The following GRM8 variants were observed in gnomAD, a reference collection of about 807,000 sequenced individuals.
The protein encoded by GRM8 is glutamate metabotropic receptor 8.
A neutral mutation model predicts 87.2 loss-of-function variants in GRM8; 47 were observed. The ratio of observed to expected loss-of-function variants is 0.54; its 90% CI spans 0.43 to 0.69. The LOEUF (loss-of-function observed/expected upper bound fraction) is 0.69. Among genes scored for constraint, GRM8 ranks in the 30% least tolerant of loss-of-function variants. GRM8 has a pLI of 0.00. For missense variants in GRM8, 1,019 were observed against 1,139.2 expected (o/e 0.89, Z 1.52); for synonymous variants, 396 against 404.5 (o/e 0.98, Z 0.25).
chr7:126,591,484 A>G lies in GRM8; in HGVS notation c.1494+17878T>C, dbSNP rs143406268. Among the ~76,000 whole-genome samples the G allele has an allele frequency of 2.4e-4, 37 of 152,262 alleles. No homozygotes were observed. In the East Asian group the frequency reaches 5.6e-3, roughly 23 times the overall value. Reference sequence around the variant, plus strand: ...AGAGAGGTCATCAAGACAGAAAGTCAACAAAGAAACAATGGATTTAAACTA... The same window carrying G: ...AGAGAGGTCATCAAGACAGAAAGTCGACAAAGAAACAATGGATTTAAACTA... On this transcript the variant is annotated intron_variant, in intron 8 of 10. Transcript: ENST00000339582.
intron 6 of GRM8, among the ~76,000 whole-genome samples, chr7:126,782,601 A>G (rs766250997): frequency 9.2e-5 from 14 of 152,222 alleles, no homozygotes; most frequent in Admixed American, 3.3e-4. Flanking sequence ...ACTATCAGTG[A>G]AAACCAACAA....
intron 3 of GRM8, among the ~76,000 whole-genome samples, chr7:127,096,335 G>GA (rs1563503470): frequency 3.3e-5 from 5 of 152,080 alleles, no homozygotes; most frequent in African/African-American, 1.2e-4. Flanking sequence ...CAAGGCAGAT[G>GA]AATCACTTGA....
At chr7:127,207,089 C>CT (rs951935803) in intron 2 of GRM8, among the ~76,000 whole-genome samples, 12 of 152,294 alleles carry the variant, frequency 7.9e-5, no homozygotes, top group Admixed American at 7.8e-4. Flanking sequence ...GATGCAGCCA[C>CT]TTTTTATTAA....
At chr7:126,662,355 AG>A (rs1327531627) in intron 7 of GRM8, among the ~76,000 whole-genome samples, 3 of 152,204 alleles carry the variant, frequency 2.0e-5, no homozygotes, top group Non-Finnish European at 4.4e-5. Flanking sequence ...AGCTAGTGAA[AG>A]GAACATTAGC....
At chr7:127,162,522 A>C (rs375915060) in intron 2 of GRM8, among the ~76,000 whole-genome samples, 1 of 152,318 alleles carries the variant, frequency 6.6e-6, no homozygotes, top group East Asian at 1.9e-4. Context: ...TGGGTAACCA[A>C]GTATTAACTA....
intron 2 of GRM8, among the ~76,000 whole-genome samples, chr7:127,131,342 C>A (rs1827674108): frequency 6.6e-6 from 1 of 152,318 alleles, no homozygotes; most frequent in Non-Finnish European, 1.5e-5. Context: ...TGTGCAAAAT[C>A]ATGGACATAT....
chr7:127,050,993 T>A (rs1453245308), intron 3 of GRM8, among the ~76,000 whole-genome samples: 4 of 151,908 alleles, frequency 2.6e-5, no homozygotes, highest in African/African-American at 9.7e-5. Context: ...AATTCCAAGC[T>A]AGTAGATTTT....
chr7:126,934,745 C>T (rs1371368880), intron 3 of GRM8, among the ~76,000 whole-genome samples: 1 of 152,154 alleles, frequency 6.6e-6, no homozygotes, highest in Non-Finnish European at 1.5e-5. Flanking sequence ...TATTACTTAG[C>T]ATAAATCTCA....
intron 6 of GRM8, among the ~76,000 whole-genome samples, chr7:126,799,389 G>A (rs1326768188): frequency 6.6e-6 from 1 of 152,110 alleles, no homozygotes; most frequent in Non-Finnish European, 1.5e-5. Flanking sequence ...AATCAGTAGT[G>A]AGGAGCATGT....
intron 10 of GRM8, 127 bp downstream of exon 10, chr7:126,445,999 A>G: frequency 1.9e-6 from 2 of 1,071,404 alleles, no homozygotes. Flanking sequence ...GTGTCACGGT[A>G]TGTGAGTACC....
chr7:126,662,055 T>C (rs1331369422), intron 7 of GRM8, among the ~76,000 whole-genome samples: 1 of 152,216 alleles, frequency 6.6e-6, no homozygotes, highest in Non-Finnish European at 1.5e-5. Flanking sequence ...AATTTTATAA[T>C]AAATACCTTA....
At chr7:127,123,346 C>T (rs1827185700) in intron 2 of GRM8, among the ~76,000 whole-genome samples, 1 of 152,114 alleles carries the variant, frequency 6.6e-6, no homozygotes, top group Non-Finnish European at 1.5e-5. Context: ...TGTTTGGGTC[C>T]TGGGGGGAAT....
At chr7:126,627,843 G>A (rs1800851094) in intron 7 of GRM8, among the ~76,000 whole-genome samples, 1 of 152,032 alleles carries the variant, frequency 6.6e-6, no homozygotes, top group African/African-American at 2.4e-5. Context: ...ATGGAAACAT[G>A]GAGTGAACAC....
intron 6 of GRM8, among the ~76,000 whole-genome samples, chr7:126,836,155 T>C (rs966947016): frequency 6.6e-6 from 1 of 152,216 alleles, no homozygotes; most frequent in African/African-American, 2.4e-5. Context: ...ATACAGTTTT[T>C]CTAGAACCTT....
intron 9 of GRM8, among the ~76,000 whole-genome samples, chr7:126,498,512 G>A (rs906755130): frequency 2.0e-5 from 3 of 151,906 alleles, no homozygotes; most frequent in African/African-American, 4.8e-5. Context: ...GAAGCCCCTT[G>A]CTGGCATACC....
At chr7:127,111,565 T>C (rs1826352630) in intron 2 of GRM8, among the ~76,000 whole-genome samples, 1 of 152,190 alleles carries the variant, frequency 6.6e-6, no homozygotes, top group South Asian at 2.1e-4. Context: ...TGGAACTCCA[T>C]TAGCCATCTT....
intron 7 of GRM8, among the ~76,000 whole-genome samples, chr7:126,727,886 T>C (rs978062489): frequency 3.9e-5 from 6 of 152,178 alleles, no homozygotes; most frequent in Non-Finnish European, 7.3e-5. Context: ...GGGATGTGTA[T>C]AGCAAGTAGT....
chr7:127,143,358 C>T (rs960471525), intron 2 of GRM8, among the ~76,000 whole-genome samples: 1 of 152,138 alleles, frequency 6.6e-6, no homozygotes, highest in African/African-American at 2.4e-5. Context: ...AGTTAAACTA[C>T]ACATCTACCT....
At chr7:126,784,705 T>C (rs1385876791) in intron 6 of GRM8, among the ~76,000 whole-genome samples, 1 of 152,298 alleles carries the variant, frequency 6.6e-6, no homozygotes, top group Non-Finnish European at 1.5e-5. Context: ...TACATAATGC[T>C]TGTAATCACT....
Sources: gnomAD v4.1 joint callset for allele counts (sites outside exome capture counted in the v4.1 genomes callset) on GRCh38, gnomAD v4.1.1 for gene constraint, MANE v1.5 for transcripts, NCBI Gene and HGNC (gene_info 2026-07-23, HGNC 2026-07-21) for gene names.